Variants in TTC19 observed in about 807,000 individuals in gnomAD.
TTC19 encodes tetratricopeptide repeat protein 19, mitochondrial.
In TTC19, 38 loss-of-function variants were observed where a neutral mutation model predicts 49.5. The ratio of observed to expected loss-of-function variants is 0.77; its 90% CI spans 0.59 to 1.01. TTC19 has a LOEUF of 1.01. TTC19 is among the 50% of genes least tolerant of loss of function. The pLI is 0.00. For synonymous variants in TTC19, 204 were observed against 185.2 expected (o/e 1.10, Z -0.83); for missense variants, 475 against 477.7 (o/e 0.99, Z 0.05).
chr17:16,017,291 C>T (rs1023665127), intron 7 of TTC19, among the ~76,000 whole-genome samples: 45 of 151,252 alleles, frequency 3.0e-4, no homozygotes, highest in Admixed American at 1.1e-3. Context: ...ATTAGTGAGG[C>T]GAAAAAAATT....
chr17:16,044,601 G>T (rs762214923), exon 3 of TTC19: 1 of 579,178 alleles, frequency 1.7e-6, no homozygotes, highest in Non-Finnish European at 3.4e-6. Context: ...GGCAGCGCCA[G>T]CCCCACACTT....
In TTC19 at chr17:16,028,045, ATATCT is replaced by A; in HGVS notation, c.*526_*530del. 2.2e-6 allele frequency: 1 copy of A among 454,122 alleles called. No homozygotes were observed. The highest frequency in any genetic ancestry group is 4.4e-6 in the Non-Finnish European group (1 of 226,800). 28.1% of individuals were successfully genotyped at this position (454,122 alleles called of 1,614,324 possible). A position where few individuals can be genotyped will look rare whatever the true frequency, so the allele number is the denominator to read the frequency against. The stretch of plus-strand genomic sequence containing the variant: ...GGAATTTAATACATAAAAGAGAAAA[ATATCT>A]TAGTTTGCTACCAGCATCCAGCATG... On this transcript the variant is annotated 3_prime_UTR_variant, in exon 10 of 10. Transcript: ENST00000261647.
chr17:16,024,175 GTTTT>G (rs1294440660), intron 7 of TTC19: 2 of 151,874 alleles, frequency 1.3e-5, no homozygotes, highest in African/African-American at 2.4e-5. Flanking sequence ...TTTTAAGCTT[GTTTT>G]TTTTCAGACA....
At chr17:16,007,737 T>G (rs1268085034) in intron 7 of TTC19, among the ~76,000 whole-genome samples, 6 of 152,186 alleles carry the variant, frequency 3.9e-5, no homozygotes, top group Admixed American at 3.9e-4. Context: ...CAGTGTAAGA[T>G]TTCTTCATGC....
At chr17:16,032,508 C>A (rs1972255643), downstream of TTC19, 2 of 1,557,986 alleles carry the variant, frequency 1.3e-6, no homozygotes, top group African/African-American at 1.4e-5. Flanking sequence ...ATTAGGTTTT[C>A]ATTGTCATGA....
At chr17:16,001,824 A>G (rs929674103) in intron 2 of TTC19, 91 bp from the exon 3 acceptor site, 4 of 823,924 alleles carry the variant, frequency 4.9e-6, no homozygotes, top group Non-Finnish European at 6.2e-6. Flanking sequence ...TCCTTCTATC[A>G]GTTGGGATGT....
chr17:16,026,704 T>A lies in TTC19; in HGVS notation c.994+2T>A, dbSNP rs1207578027. On this transcript the variant is annotated splice_donor_variant, in intron 9 of 9. Transcript: ENST00000261647. LOFTEE classifies it high-confidence loss of function. ...TAGCTGCAGTTTTGATGCACAGAGG[T>A]AGGTAGCAATGTAAACTTAACTGAC... 1 of 1,613,840 alleles carries A rather than the reference T, an allele frequency of 6.2e-7. No individual in the cohort carries two copies. The highest frequency in any genetic ancestry group is 8.5e-7 in the Non-Finnish European group (1 of 1,179,858).
At chr17:16,013,535 T>A (rs1398748314) in intron 7 of TTC19, among the ~76,000 whole-genome samples, 3 of 152,232 alleles carry the variant, frequency 2.0e-5, no homozygotes, top group Non-Finnish European at 4.4e-5. Flanking sequence ...TTTTAGTATA[T>A]CTGGTATTTT....
intron 2 of TTC19, chr17:16,039,510 A>G (rs1440372482): frequency 6.2e-7 from 1 of 1,614,078 alleles, no homozygotes; most frequent in Non-Finnish European, 8.5e-7. Flanking sequence ...AGTACCAGGC[A>G]CTACTCCCAT....
Position 16,004,450 on chromosome 17 carries a change from G to A in TTC19, c.581+188G>A, listed in dbSNP as rs56190835. Among the ~76,000 whole-genome samples, 9,006 of 152,250 alleles carry A rather than the reference G, an allele frequency of 0.059. 388 individuals are homozygous for A. The highest frequency in any genetic ancestry group is 0.12 in the African/African-American group (5,074 of 41,534). ...TTGCCCCTACTGTTTCCATCAGCCT[G>A]CCTAGTGGGGCACACAACATCTCTG... On this transcript the variant is annotated intron_variant, in intron 6 of 9. Coordinates refer to ENST00000261647, the MANE Select transcript of TTC19 (RefSeq NM_017775.4).
At chr17:16,039,587 G>A (rs1199466655) in intron 2 of TTC19, 2 of 1,614,102 alleles carry the variant, frequency 1.2e-6, no homozygotes, top group Admixed American at 1.7e-5. Context: ...GAGCCTTCCT[G>A]ATAATGTCTT....
chr17:16,021,220 T>C (rs1971372865), intron 7 of TTC19, among the ~76,000 whole-genome samples: 1 of 152,074 alleles, frequency 6.6e-6, no homozygotes, highest in East Asian at 1.9e-4. Context: ...ACCCCGTCTC[T>C]AATAAAAATA....
intron 2 of TTC19, chr17:16,040,629 G>A (rs1280653714): frequency 4.9e-6 from 4 of 816,800 alleles, no homozygotes; most frequent in Non-Finnish European, 7.9e-6. Context: ...CACCCATTAA[G>A]TGAAGATAAA....
intron 7 of TTC19, among the ~76,000 whole-genome samples, chr17:16,009,398 A>G (rs546089220): frequency 2.0e-5 from 3 of 152,242 alleles, no homozygotes; most frequent in Admixed American, 6.5e-5. Context: ...ATTTATTACT[A>G]CGGCTTTTCG....
At chr17:16,023,967 T>C (rs927542631) in intron 7 of TTC19, 1 of 152,242 alleles carries the variant, frequency 6.6e-6, no homozygotes, top group African/African-American at 2.4e-5. Flanking sequence ...CCTAAGATTA[T>C]CTAAGGTAAC....
chr17:16,010,497 CAG>C (rs1323046429), intron 7 of TTC19, among the ~76,000 whole-genome samples: 6 of 150,056 alleles, frequency 4.0e-5, no homozygotes, highest in Non-Finnish European at 7.4e-5. Flanking sequence ...GTTTTTGAGA[CAG>C]AGTCCCGCTC....
At chr17:16,012,488 G>A (rs960573302) in intron 7 of TTC19, among the ~76,000 whole-genome samples, 1 of 152,070 alleles carries the variant, frequency 6.6e-6, no homozygotes, top group African/African-American at 2.4e-5. Context: ...TGGGGCTGGG[G>A]GGTGGAAGAG....
chr17:16,003,795 C>G, intron 4 of TTC19, 36 bp from the exon 5 acceptor site: 1 of 1,576,124 alleles, frequency 6.3e-7, no homozygotes, highest in Non-Finnish European at 8.7e-7. Flanking sequence ...AAAATGGGGC[C>G]CAATTAAAAG....
At chr17:16,043,133 G>A (rs1368242673) in intron 2 of TTC19, among the ~76,000 whole-genome samples, 2 of 152,176 alleles carry the variant, frequency 1.3e-5, no homozygotes, top group African/African-American at 4.8e-5. Flanking sequence ...AAGCATTTCA[G>A]GAAAGGAAAG....
Sources: allele counts gnomAD v4.1 joint callset (sites outside exome capture counted in the v4.1 genomes callset), GRCh38; gene constraint gnomAD v4.1.1; transcripts MANE v1.5; gene names NCBI Gene and HGNC (gene_info 2026-07-23, HGNC 2026-07-21).